MROH9: variants seen among roughly 807,000 people sequenced by gnomAD.
MROH9 encodes maestro heat-like repeat-containing protein family member 9.
Under a neutral mutation model 98.2 loss-of-function variants are expected in MROH9, and 92 were observed. The observed-to-expected ratio is 0.94, with a 90% CI of 0.79 to 1.11. The LOEUF (loss-of-function observed/expected upper bound fraction) is 1.11. Among genes scored for constraint, MROH9 ranks in the 50% most tolerant of loss-of-function variants. MROH9 has a pLI of 0.00. For synonymous variants in MROH9, 397 were observed against 368.9 expected (o/e 1.08, Z -0.87); for missense variants, 1,057 against 1,014.8 (o/e 1.04, Z -0.57).
At chr1:171,002,253 G>T (rs1008926779) in intron 15 of MROH9, among the ~76,000 whole-genome samples, 3 of 152,120 alleles carry the variant, frequency 2.0e-5, no homozygotes, top group African/African-American at 7.2e-5. Flanking sequence ...TGTTAGTATT[G>T]AAATGTGAGG....
chr1:170,939,478 A>G (rs1649032986), intron 1 of MROH9, among the ~76,000 whole-genome samples: 1 of 152,234 alleles, frequency 6.6e-6, no homozygotes, highest in Non-Finnish European at 1.5e-5. Flanking sequence ...AACCAACTGT[A>G]AACCAGGCTG....
Position 170,969,728 on chromosome 1 carries a change from G to T in MROH9, c.481-2020G>T, listed in dbSNP as rs138646251. Among the ~76,000 whole-genome samples the T allele has an allele frequency of 1.9e-3, 291 of 152,238 alleles. 1 individual carries two copies. The highest frequency in any genetic ancestry group is 0.014 in the Middle Eastern group (4 of 294). ...ACAAAGAAAGGGCACAGTTAAAAGGGCCAGAAAACTAAGCAGGAATACTTA... is the reference window on the plus strand; with the variant it reads ...ACAAAGAAAGGGCACAGTTAAAAGGTCCAGAAAACTAAGCAGGAATACTTA... On this transcript the variant is annotated intron_variant, in intron 7 of 21. Transcript: ENST00000367759.
intron 2 of MROH9, among the ~76,000 whole-genome samples, chr1:170,946,359 G>GTCA (rs1472634856): frequency 6.6e-6 from 1 of 151,812 alleles, no homozygotes; most frequent in Non-Finnish European, 1.5e-5. Flanking sequence ...AACTGTCAAG[G>GTCA]TCATAAACAA....
intron 1 of MROH9, among the ~76,000 whole-genome samples, chr1:170,938,081 G>A (rs1648970167): frequency 2.0e-5 from 3 of 152,136 alleles, no homozygotes; most frequent in Admixed American, 2.0e-4. Context: ...TGGAATAGTA[G>A]CCCAAGTTCT....
intron 1 of MROH9, among the ~76,000 whole-genome samples, chr1:170,939,883 G>A (rs927386989): frequency 4.6e-5 from 7 of 152,090 alleles, no homozygotes; most frequent in Non-Finnish European, 8.8e-5. Context: ...AAATCCTGGG[G>A]GCTTGCACTT....
rs1183914845 is a variant in MROH9 at position 170,971,833 on chromosome 1, A to C, written c.566A>C (p.Gln189Pro). The C allele has an allele frequency of 6.2e-7, 1 of 1,614,070 alleles. No individual in the cohort carries two copies. Among genetic ancestry groups the C allele is most frequent in the African/African-American group, 1.3e-5 (1 of 75,038 alleles). The change falls in exon 8 of 22, where the codon CAA becomes CCA. Residue 189 changes from glutamine to proline, a missense_variant. Physicochemically the swap from Gln to Pro is moderately conservative, Grantham distance 76 (BLOSUM62 -1). Transcript: ENST00000367759. ...CATGAAGATCCCTCGATTGTAAAAC[A>C]AGCATCATTGGGAATGTGTCACCTC... ...CSHEDPSIVK[Q>P]ASLGMCHLLY...
At chr1:171,001,068 A>G (rs534398510) in intron 15 of MROH9, among the ~76,000 whole-genome samples, 223 of 152,024 alleles carry the variant, frequency 1.5e-3, no homozygotes, top group African/African-American at 4.8e-3. Context: ...TTGTATCTCA[A>G]TGGTGTCAGT....
chr1:170,936,260 G>T (rs1216759938), intron 1 of MROH9, among the ~76,000 whole-genome samples: 1 of 152,124 alleles, frequency 6.6e-6, no homozygotes, highest in Non-Finnish European at 1.5e-5. Context: ...AGACCCAGGA[G>T]ATCCAATGGT....
At chr1:171,032,684 A>G (rs1331212939) in intron 20 of MROH9, among the ~76,000 whole-genome samples, 2 of 152,138 alleles carry the variant, frequency 1.3e-5, no homozygotes, top group African/African-American at 4.8e-5. Flanking sequence ...AGGGGCACCA[A>G]TCTGATGCTA....
chr1:170,964,271 C>T (rs1650141704), intron 6 of MROH9, among the ~76,000 whole-genome samples: 5 of 152,160 alleles, frequency 3.3e-5, no homozygotes, highest in South Asian at 2.1e-4. Context: ...TACTTAACCA[C>T]TTTGTTCTTA....
intron 7 of MROH9, among the ~76,000 whole-genome samples, chr1:170,965,747 T>C (rs1387208894): frequency 1.3e-5 from 2 of 152,102 alleles, no homozygotes; most frequent in South Asian, 2.1e-4. Flanking sequence ...ATGATGTGTG[T>C]CCTAACAAAC....
At chr1:171,020,954 C>T (rs540946224) in intron 17 of MROH9, among the ~76,000 whole-genome samples, 110 of 152,138 alleles carry the variant, frequency 7.2e-4, no homozygotes, top group African/African-American at 2.5e-3. Flanking sequence ...CAAACATTTC[C>T]ATGCACCAAC....
At chr1:171,063,252 A>AT (rs11385110) in intron 21 of MROH9, among the ~76,000 whole-genome samples, 80,160 of 124,710 alleles carry the variant, frequency 0.64, 27,328 homozygotes, top group East Asian at 0.79. Context: ...ATTATCCCGG[A>AT]TTTTTTTTTT....
chr1:170,941,527 C>T (rs1407034417), intron 1 of MROH9, among the ~76,000 whole-genome samples: 1 of 152,134 alleles, frequency 6.6e-6, no homozygotes, highest in Non-Finnish European at 1.5e-5. Context: ...TAGCCAATAC[C>T]ATAGGTTCAA....
chr1:171,043,570 G>T (rs184976931), intron 20 of MROH9, among the ~76,000 whole-genome samples: 1 of 151,792 alleles, frequency 6.6e-6, no homozygotes, highest in Non-Finnish European at 1.5e-5. Flanking sequence ...ATTGCTTTGT[G>T]TAGTATGGAC....
At chr1:170,994,457 T>C (rs1651479011) in intron 12 of MROH9, among the ~76,000 whole-genome samples, 1 of 152,178 alleles carries the variant, frequency 6.6e-6, no homozygotes, top group Non-Finnish European at 1.5e-5. Flanking sequence ...TCATTTTAAT[T>C]TTTTAAAAAA....
chr1:170,981,743 T>TAAA (rs199565527), intron 8 of MROH9, among the ~76,000 whole-genome samples: 2 of 126,510 alleles, frequency 1.6e-5, no homozygotes, highest in African/African-American at 5.9e-5. Flanking sequence ...TTAGAAGAAA[T>TAAA]AAAAAAAAAA....
intron 20 of MROH9, among the ~76,000 whole-genome samples, chr1:171,027,475 T>A (rs962538536): frequency 6.6e-6 from 1 of 152,228 alleles, no homozygotes; most frequent in African/African-American, 2.4e-5. Context: ...GTGGGTTGGT[T>A]CCATGTCTTT....
chr1:170,999,528 A>C (rs1363435616), intron 15 of MROH9, among the ~76,000 whole-genome samples: 1 of 86,150 alleles, frequency 1.2e-5, no homozygotes, highest in Non-Finnish European at 2.3e-5. Context: ...TATTCCATCT[A>C]TATATATATA....
Sources: gnomAD v4.1 joint callset for allele counts (sites outside exome capture counted in the v4.1 genomes callset) on GRCh38, gnomAD v4.1.1 for gene constraint, MANE v1.5 for transcripts, NCBI Gene and HGNC (gene_info 2026-07-23, HGNC 2026-07-21) for gene names.